The following CSMD1 variants were observed in gnomAD, a reference collection of about 807,000 sequenced individuals.
CSMD1 encodes the protein CUB and Sushi multiple domains 1, also known as CUB and sushi domain-containing protein 1.
A neutral mutation model predicts 417.5 loss-of-function variants in CSMD1; 213 were observed. That is an observed-to-expected ratio of 0.51 (90% CI 0.46 to 0.57). CSMD1 has a LOEUF of 0.57. Among genes scored for constraint, CSMD1 ranks in the 20% least tolerant of loss-of-function variants. CSMD1 has a pLI of 0.00. For synonymous variants in CSMD1, 2,862 were observed against 1,736.8 expected, an observed-to-expected ratio of 1.65 and a Z score of -16.11; for missense variants, 6,923 against 4,529.7, an observed-to-expected ratio of 1.53 and a Z score of -15.17.
chr8:4,013,273 C>G (rs1232962924), intron 4 of CSMD1, among the ~76,000 whole-genome samples: 1 of 152,154 alleles, frequency 6.6e-6, no homozygotes, highest in African/African-American at 2.4e-5. Context: ...TCCAATTATC[C>G]CATCTGCTCA....
chr8:3,697,609 C>T (rs1200137267), intron 7 of CSMD1, among the ~76,000 whole-genome samples: 1 of 152,156 alleles, frequency 6.6e-6, no homozygotes, highest in Non-Finnish European at 1.5e-5. Context: ...GTTCCCCCTT[C>T]TGACTGCTGC....
At chr8:3,310,020 T>G (rs1805200757) in intron 23 of CSMD1, among the ~76,000 whole-genome samples, 1 of 152,218 alleles carries the variant, frequency 6.6e-6, no homozygotes, top group Non-Finnish European at 1.5e-5. Flanking sequence ...ACCAATAATT[T>G]TAATTCAGAT....
chr8:3,859,193 C>G (rs559283006), intron 5 of CSMD1, among the ~76,000 whole-genome samples: 2 of 152,148 alleles, frequency 1.3e-5, no homozygotes, highest in South Asian at 4.1e-4. Flanking sequence ...TAAATATGTG[C>G]GTAGCAGAGG....
intron 23 of CSMD1, among the ~76,000 whole-genome samples, chr8:3,311,687 C>G (rs1345921327): frequency 6.6e-6 from 1 of 152,098 alleles, no homozygotes; most frequent in South Asian, 2.1e-4. Flanking sequence ...ACTTTTACAT[C>G]ATTATAAAGT....
intron 6 of CSMD1, among the ~76,000 whole-genome samples, chr8:3,712,575 G>T (rs1271101089): frequency 6.6e-6 from 1 of 152,188 alleles, no homozygotes; most frequent in Non-Finnish European, 1.5e-5. Flanking sequence ...TCGAATGAAT[G>T]ATAAAAATAT....
intron 1 of CSMD1, among the ~76,000 whole-genome samples, chr8:4,753,078 T>C (rs1019149633): frequency 6.6e-6 from 1 of 152,142 alleles, no homozygotes; most frequent in Non-Finnish European, 1.5e-5. Flanking sequence ...CCTCACACCA[T>C]CCTTAAAAGA....
chr8:3,600,158 G>A (rs1322636421), intron 8 of CSMD1, among the ~76,000 whole-genome samples: 2 of 152,176 alleles, frequency 1.3e-5, no homozygotes, highest in African/African-American at 2.4e-5. Flanking sequence ...GGTGGCATCA[G>A]CAAGCTGAAA....
intron 6 of CSMD1, among the ~76,000 whole-genome samples, chr8:3,745,561 T>A (rs1797026708): frequency 6.6e-6 from 1 of 152,186 alleles, no homozygotes; most frequent in African/African-American, 2.4e-5. Context: ...ACATTCATCT[T>A]TTGCTACGCT....
At chr8:4,123,457 C>T (rs934430926) in intron 3 of CSMD1, among the ~76,000 whole-genome samples, 2 of 152,098 alleles carry the variant, frequency 1.3e-5, no homozygotes, top group Non-Finnish European at 2.9e-5. Flanking sequence ...GTTTAAATAT[C>T]ATTATTGTGG....
At chr8:3,659,119 G>C (rs540636306) in intron 7 of CSMD1, among the ~76,000 whole-genome samples, 2 of 152,266 alleles carry the variant, frequency 1.3e-5, no homozygotes, top group South Asian at 4.1e-4. Flanking sequence ...TACATAGATA[G>C]CACATAAATC....
At chr8:3,791,456 G>A (rs768488084) in intron 5 of CSMD1, among the ~76,000 whole-genome samples, 1 of 152,184 alleles carries the variant, frequency 6.6e-6, no homozygotes. Flanking sequence ...GTGCTGATAC[G>A]TAGCTTGTAA....
chr8:4,632,330 T>C (rs1802568647), intron 2 of CSMD1, among the ~76,000 whole-genome samples: 1 of 152,132 alleles, frequency 6.6e-6, no homozygotes, highest in African/African-American at 2.4e-5. Flanking sequence ...CTGGCCAACA[T>C]GGTGAAACCC....
chr8:3,699,786 A>G (rs1425143271), intron 7 of CSMD1, among the ~76,000 whole-genome samples: 1 of 152,172 alleles, frequency 6.6e-6, no homozygotes, highest in African/African-American at 2.4e-5. Flanking sequence ...GTGAGTGAAG[A>G]TGTGAAATAT....
At chr8:4,889,200 A>T (rs897306206) in intron 1 of CSMD1, among the ~76,000 whole-genome samples, 2 of 152,232 alleles carry the variant, frequency 1.3e-5, no homozygotes, top group Non-Finnish European at 2.9e-5. Context: ...TGCCCCAACC[A>T]AGTGTCAAAG....
rs187496609 is a variant in CSMD1, at chr8:3,045,329, T to G, written c.7660+7133A>C. On this transcript the variant is annotated intron_variant, in intron 50 of 69. Transcript: ENST00000635120. ...AACTTCTTTACAATGAGAAGCAATT[T>G]TGTTAATTGTTGTCATTGTAACTTC... is the stretch of plus-strand genomic sequence containing the variant. Among the ~76,000 whole-genome samples the G allele has an allele frequency of 4.6e-3, 706 of 152,346 alleles. 3 individuals are homozygous for G. Among genetic ancestry groups the G allele is most frequent in the African/African-American group, 0.016 (678 of 41,576 alleles).
chr8:4,780,079 G>A (rs761887508), intron 1 of CSMD1, among the ~76,000 whole-genome samples: 1 of 152,168 alleles, frequency 6.6e-6, no homozygotes, highest in African/African-American at 2.4e-5. Context: ...CAGGATGTCT[G>A]TTGAATATGA....
At chr8:4,593,776 G>T (rs117275963) in intron 2 of CSMD1, among the ~76,000 whole-genome samples, 1,588 of 152,152 alleles carry the variant, frequency 0.01, 9 homozygotes, top group Middle Eastern at 0.044. Context: ...TGCAAAAAAG[G>T]TTAGCATGCT....
At chr8:4,151,939 A>G (rs990660121) in intron 3 of CSMD1, among the ~76,000 whole-genome samples, 6 of 152,202 alleles carry the variant, frequency 3.9e-5, no homozygotes, top group African/African-American at 1.4e-4. Context: ...TTTTGCCTGC[A>G]TAAAATCAAT....
At chr8:3,643,649 C>G (rs1054479559) in intron 7 of CSMD1, among the ~76,000 whole-genome samples, 1 of 143,528 alleles carries the variant, frequency 7.0e-6, no homozygotes, top group Non-Finnish European at 1.5e-5. Context: ...TGCAGTGAGC[C>G]GAGATCGCGC....
Sources: gnomAD v4.1 joint callset for allele counts (sites outside exome capture counted in the v4.1 genomes callset) on GRCh38, gnomAD v4.1.1 for gene constraint, MANE v1.5 for transcripts, NCBI Gene and HGNC (gene_info 2026-07-23, HGNC 2026-07-21) for gene names.